The following ZNF565 variants were observed in gnomAD, a reference collection of about 807,000 sequenced individuals.
ZNF565 encodes zinc finger protein 565.
ZNF565 carries 27 observed loss-of-function variants against 39.4 expected under a neutral mutation model. The observed-to-expected ratio is 0.69, with a 90% CI of 0.51 to 0.95. The LOEUF (loss-of-function observed/expected upper bound fraction) is 0.95, where lower values mean the gene tolerates loss of function less well. ZNF565 is among the 40% of genes least tolerant of loss of function. The probability of loss-of-function intolerance (pLI) is 0.00; values close to 1 mark genes in which losing one functional copy is unlikely to be tolerated. For synonymous variants in ZNF565, 185 were observed against 216.6 expected, an observed-to-expected ratio of 0.85 and a Z score of 1.28; for missense variants, 524 against 621.1, an observed-to-expected ratio of 0.84 and a Z score of 1.66.
chr19:36,186,919 G>A (rs367952671), intron 4 of ZNF565, among the ~76,000 whole-genome samples: 4 of 152,186 alleles, frequency 2.6e-5, no homozygotes, highest in East Asian at 3.9e-4. Flanking sequence ...GGCCGGGTGC[G>A]GTGACTCATG....
At chr19:36,217,220 C>G (rs1976649252), upstream of ZNF565, among the ~76,000 whole-genome samples, 1 of 151,138 alleles carries the variant, frequency 6.6e-6, no homozygotes, top group Non-Finnish European at 1.5e-5. Context: ...GCCACCACAC[C>G]CGGCTACTTT....
intron 4 of ZNF565, among the ~76,000 whole-genome samples, chr19:36,187,682 G>A (rs943809820): frequency 1.3e-5 from 2 of 149,126 alleles, no homozygotes; most frequent in African/African-American, 2.5e-5. Context: ...CTGTCGCCTA[G>A]GCTGGAGTGC....
At chr19:36,206,146 G>C (rs58080082) in intron 1 of ZNF565, among the ~76,000 whole-genome samples, 3,212 of 152,086 alleles carry the variant, frequency 0.021, 121 homozygotes, top group African/African-American at 0.071. Flanking sequence ...AACTTTTGTA[G>C]AGACGGGGAC....
intron 2 of ZNF565, among the ~76,000 whole-genome samples, chr19:36,200,652 C>A (rs1359957953): frequency 6.6e-6 from 1 of 151,812 alleles, no homozygotes; most frequent in Non-Finnish European, 1.5e-5. Flanking sequence ...CTGCACCCAG[C>A]TAATTTCTGT....
intron 1 of ZNF565, among the ~76,000 whole-genome samples, chr19:36,208,312 C>T (rs1976233135): frequency 6.6e-6 from 1 of 151,698 alleles, no homozygotes; most frequent in African/African-American, 2.4e-5. Flanking sequence ...GGTGATTCTC[C>T]CACTTCAGCC....
chr19:36,238,294 G>C (rs1298318490), intron 1 of ZNF565: 1 of 167,004 alleles, frequency 6.0e-6, no homozygotes, highest in East Asian at 1.9e-4. Flanking sequence ...ACTATCTATT[G>C]GTAATGGATG....
intron 4 of ZNF565, among the ~76,000 whole-genome samples, chr19:36,190,899 G>C (rs1327070932): frequency 6.6e-6 from 1 of 151,264 alleles, no homozygotes; most frequent in Non-Finnish European, 1.5e-5. Flanking sequence ...AGCTGAGGCA[G>C]GAGAATTGCT....
At chr19:36,198,784 G>A (rs987652294) in intron 2 of ZNF565, among the ~76,000 whole-genome samples, 1 of 152,152 alleles carries the variant, frequency 6.6e-6, no homozygotes. Flanking sequence ...TTTTTTAGTA[G>A]AGATGGGGTT....
intron 1 of ZNF565, among the ~76,000 whole-genome samples, chr19:36,222,811 G>C (rs531824209): frequency 4.8e-5 from 5 of 104,082 alleles, no homozygotes; most frequent in Non-Finnish European, 9.7e-5. Flanking sequence ...GTTTTCATTT[G>C]CATTTGGACA....
Position 36,197,095 on chromosome 19 carries a change from A to G in ZNF565, c.10-1939T>C, listed in dbSNP as rs1406647602. Among the ~76,000 whole-genome samples, 4 of 151,342 alleles carry G rather than the reference A, an allele frequency of 2.6e-5. No individual in the cohort carries two copies. In the South Asian group the frequency reaches 8.4e-4, roughly 32 times the overall value. ...AGTCCAGCCTGGTCAACATGGCAAA[A>G]CCCTGTCTCTACTAAAACTACAAAA... On this transcript the variant is annotated intron_variant, in intron 2 of 4. Coordinates refer to ENST00000304116, the MANE Select transcript of ZNF565 (RefSeq NM_152477.5).
intron 1 of ZNF565, among the ~76,000 whole-genome samples, chr19:36,223,342 CAA>C (rs375158030): frequency 1.5e-5 from 2 of 131,730 alleles, no homozygotes; most frequent in Admixed American, 7.7e-5. Context: ...GACTCCGTCT[CAA>C]AAAAAAAAAA....
intron 1 of ZNF565, among the ~76,000 whole-genome samples, chr19:36,211,787 T>C (rs925766406): frequency 5.4e-5 from 8 of 149,290 alleles, no homozygotes; most frequent in Admixed American, 1.4e-4. Context: ...AGCAAGACTC[T>C]GTCTCAAAAA....
Position 36,183,576 on chromosome 19 carries a change from A to C in ZNF565, c.390T>G (p.Asn130Lys), listed in dbSNP as rs1975169502. 6.2e-7 allele frequency: 1 copy of C among 1,614,158 alleles called. No homozygotes were observed. Residue 130 changes from asparagine (N) to lysine (K), a missense_variant, in exon 5 of 5, where the codon AAT (asparagine) becomes AAG (lysine). Asn to Lys is a moderately conservative substitution (Grantham distance 94, BLOSUM62 0). Coordinates refer to ENST00000304116, the MANE Select transcript of ZNF565 (RefSeq NM_152477.5). ...TCACTTGCTTAAAATAGCACTCTTC[A>C]TTGACTTGTCTCTCAAACTGGCCTT... The part of the protein sequence containing the change: ...ECEGQFERQV[N>K]EECYFKQVNV...
chr19:36,241,080 G>A (rs535318011), intron 1 of ZNF565, among the ~76,000 whole-genome samples: 22 of 152,190 alleles, frequency 1.4e-4, no homozygotes, highest in Non-Finnish European at 2.8e-4. Context: ...TTCCTTATAC[G>A]TTAACCAGAC....
At chr19:36,244,057 CCA>C (rs1388292675) in intron 1 of ZNF565, among the ~76,000 whole-genome samples, 1 of 152,106 alleles carries the variant, frequency 6.6e-6, no homozygotes. Flanking sequence ...AAGAACAGCC[CCA>C]GTCATTAGGC....
At chr19:36,189,374 G>C (rs1241761910) in intron 4 of ZNF565, among the ~76,000 whole-genome samples, 1 of 151,728 alleles carries the variant, frequency 6.6e-6, no homozygotes, top group Non-Finnish European at 1.5e-5. Context: ...GAGCGCAGTG[G>C]TGTGATCTTG....
At chr19:36,192,230 G>A (rs111917910) in intron 4 of ZNF565, among the ~76,000 whole-genome samples, 37,848 of 151,248 alleles carry the variant, frequency 0.25, 4,920 homozygotes, top group Middle Eastern at 0.33. Flanking sequence ...CTTGTGATTC[G>A]CCCGCCTTGG....
intron 1 of ZNF565, among the ~76,000 whole-genome samples, chr19:36,224,322 C>T (rs749818399): frequency 1.2e-4 from 18 of 152,200 alleles, no homozygotes; most frequent in Non-Finnish European, 2.6e-4. Context: ...GCGGAGGTTG[C>T]AGTGAGCTGA....
chr19:36,202,481 T>C (rs1976002345), intron 1 of ZNF565, among the ~76,000 whole-genome samples: 1 of 151,832 alleles, frequency 6.6e-6, no homozygotes, highest in South Asian at 2.1e-4. Flanking sequence ...AAAGATGGTT[T>C]CAAGGCAGAT....
Sources: allele counts gnomAD v4.1 joint callset (sites outside exome capture counted in the v4.1 genomes callset), GRCh38; gene constraint gnomAD v4.1.1; transcripts MANE v1.5; gene names NCBI Gene and HGNC (gene_info 2026-07-23, HGNC 2026-07-21).